The following LPAR4 variants were observed in gnomAD, a reference collection of about 807,000 sequenced individuals.
The protein encoded by LPAR4 is lysophosphatidic acid receptor 4.
In LPAR4, 14 loss-of-function variants were observed where a neutral mutation model predicts 9.2. That is an observed-to-expected ratio of 1.51 (90% CI 1.00 to 2.37). The LOEUF (loss-of-function observed/expected upper bound fraction) is 2.37. LPAR4 is among the 30% of genes most tolerant of loss of function. LPAR4 has a pLI of 0.00. For synonymous variants in LPAR4, 131 were observed against 97.9 expected (o/e 1.34, Z -1.99); for missense variants, 251 against 272.1 (o/e 0.92, Z 0.55).
chrX:78,748,403 C>T (rs1021561744), intron 1 of LPAR4, among the ~76,000 whole-genome samples: 2 of 111,831 alleles, frequency 1.8e-5, no homozygotes, highest in African/African-American at 6.5e-5. Flanking sequence ...GATGAGGTTT[C>T]TTCTAGTAAA....
intron 1 of LPAR4, among the ~76,000 whole-genome samples, chrX:78,748,513 G>A (rs62614225): frequency 0.1 from 11,624 of 111,664 alleles, 548 homozygotes; most frequent in Middle Eastern, 0.22. Flanking sequence ...GAAGAATCAT[G>A]TTTGAATGAA....
rs1351951271 is a variant in LPAR4, at chrX:78,754,981, A to G, written c.112A>G (p.Lys38Glu). The G allele has an allele frequency of 8.3e-7, 1 of 1,210,073 alleles. No homozygotes were observed. The highest frequency in any genetic ancestry group is 1.1e-6 in the Non-Finnish European group (1 of 894,103). The part of the protein sequence containing the change: ...NNTCIVDDSF[K>E]YNLNGAVYSV... ...TACTTGCATTGTTGATGATTCCTTC[A>G]AGTATAATCTCAATGGTGCTGTCTA... The change falls in exon 5 of 5, where the codon AAG (lysine) becomes GAG (glutamate). Residue 38 changes from lysine (K) to glutamate (E), a missense_variant. Lys to Glu is a moderately conservative substitution (Grantham distance 56, BLOSUM62 1). Coordinates refer to ENST00000614823, the MANE Select transcript of LPAR4 (RefSeq NM_001278000.3).
At position 78,756,780 on chromosome X, in the gene LPAR4, T is replaced by C. The variant is rs781439726; in HGVS notation, c.*798T>C. ...TATTTTTTCTTAAAATGTCACGTTA[T>C]CTTCATTTTGGGAAACTAGGTTCTA... On this transcript the variant is annotated 3_prime_UTR_variant, in exon 5 of 5. Transcript: ENST00000614823. 4.0e-4 allele frequency: 49 copies of C among 122,198 alleles called. No individual in the cohort carries two copies. Among genetic ancestry groups the C allele is most frequent in the African/African-American group, 1.6e-3 (48 of 30,599 alleles). 10.1% of individuals were successfully genotyped at this position (122,198 alleles called of 1,213,427 possible). A position where few individuals can be genotyped will look rare whatever the true frequency, so the allele number is the denominator to read the frequency against.
Position 78,750,766 on chromosome X carries a change from G to C in LPAR4, c.-208G>C, listed in dbSNP as rs1206139703. The C allele has an allele frequency of 1.9e-5, 2 of 102,659 alleles. No individual in the cohort carries two copies. The highest frequency in any genetic ancestry group is 7.1e-5 in the African/African-American group (2 of 28,014). 8.5% of individuals were successfully genotyped at this position (102,659 alleles called of 1,213,427 possible). A position where few individuals can be genotyped will look rare whatever the true frequency, so the allele number is the denominator to read the frequency against. On this transcript the variant is annotated 5_prime_UTR_variant, in exon 3 of 5. Coordinates refer to ENST00000614823, the MANE Select transcript of LPAR4 (RefSeq NM_001278000.3). ...ATGGTAACAGTTGTTGCCAAGAAAA[G>C]AAAAAAAGAAAAAAAAAAGACCCAA...
Position 78,755,630 on chromosome X carries a change from A to G in LPAR4, c.761A>G (p.His254Arg), listed in dbSNP as rs1274622844. The change falls in exon 5 of 5, where the codon CAT (histidine) becomes CGT (arginine). Residue 254 changes from histidine to arginine, a missense_variant. Transcript: ENST00000614823. ...KKKVLKMITV[H>R]MAVFVVCFVP... ...AAAGTACTGAAAATGATCACAGTAC[A>G]TATGGCAGTCTTTGTGGTATGCTTT... 3.3e-6 allele frequency: 4 copies of G among 1,207,886 alleles called. No homozygotes were observed. In the East Asian group the frequency reaches 8.9e-5, roughly 27 times the overall value.
rs1294101947 is a variant in LPAR4, at chrX:78,756,038, T to A, written c.*56T>A. The A allele has an allele frequency of 1.0e-6, 1 of 974,020 alleles. No homozygotes were observed. The highest frequency in any genetic ancestry group is 1.4e-6 in the Non-Finnish European group (1 of 707,786). The allele number at this position is 974,020 out of a possible 1,213,427, so 80.3% of individuals were successfully genotyped here. On this transcript the variant is annotated 3_prime_UTR_variant, in exon 5 of 5. Coordinates refer to ENST00000614823, the MANE Select transcript of LPAR4 (RefSeq NM_001278000.3). Reference sequence around the variant, plus strand: ...GTTTCTCCTATAATTTTTCCTATGCTATAAACTAAAGATTTGAAGCTAATG... The same window carrying A: ...GTTTCTCCTATAATTTTTCCTATGCAATAAACTAAAGATTTGAAGCTAATG...
At position 78,755,752 on chromosome X, in the gene LPAR4, A is replaced by G. The variant is rs1266604101; in HGVS notation, c.883A>G (p.Ile295Val). The change falls in exon 5 of 5, where the codon ATC becomes GTC. Residue 295 changes from isoleucine (I) to valine (V), a missense_variant. Physicochemically the swap from Ile to Val is conservative, Grantham distance 29 (BLOSUM62 3). Transcript: ENST00000614823. ...AAGATTTGCAAAGATCATGTACCCA[A>G]TCACCTTGTGCCTTGCAACTCTGAA... ...LERFAKIMYP[I>V]TLCLATLNCC... 13 of 1,208,476 alleles carry G rather than the reference A, an allele frequency of 1.1e-5. No individual in the cohort carries two copies. The highest frequency in any genetic ancestry group is 1.3e-5 in the Non-Finnish European group (12 of 894,295).
At chrX:78,754,769 T>G (rs1301725397) in intron 4 of LPAR4, 22 bp from the exon 5 acceptor site, 1 of 657,300 alleles carries the variant, frequency 1.5e-6, no homozygotes, top group Non-Finnish European at 2.2e-6. Context: ...TTTGATTATT[T>G]GTTCCATCTT....
rs1383895824 is a variant in LPAR4, at chrX:78,758,063, T to C, written c.*2081T>C. ...AACTTTAAAAACTGTAAAATCTGTG[T>C]CTGGGTTAGGAACAAAGTGAAAAAA... On this transcript the variant is annotated 3_prime_UTR_variant, in exon 5 of 5. Transcript: ENST00000614823. Among the ~76,000 whole-genome samples, 4 of 111,815 alleles carry C rather than the reference T, an allele frequency of 3.6e-5. No individual in the cohort carries two copies. Among genetic ancestry groups the C allele is most frequent in the Non-Finnish European group, 7.5e-5 (4 of 53,008 alleles).
rs772900279 is a variant in LPAR4, at chrX:78,758,700, A to G, written c.*2718A>G. Among the ~76,000 whole-genome samples the G allele has an allele frequency of 1.3e-4, 15 of 111,905 alleles. No individual in the cohort carries two copies. The highest frequency in any genetic ancestry group is 2.3e-4 in the Non-Finnish European group (12 of 53,098). On this transcript the variant is annotated 3_prime_UTR_variant, in exon 5 of 5. Transcript: ENST00000614823. ...TTTAAATGTTTATTAAATGTAATAAAATATATTTGAATTATTTAGCAGTCA... is the reference window on the plus strand; with the variant it reads ...TTTAAATGTTTATTAAATGTAATAAGATATATTTGAATTATTTAGCAGTCA...
At position 78,747,810 on chromosome X, in the gene LPAR4, C is replaced by T. The variant is rs185664324; in HGVS notation, c.-519C>T. On this transcript the variant is annotated 5_prime_UTR_variant, in exon 1 of 5. Transcript: ENST00000614823. ...AGGGAAAGAGATAAATGTAAATAAG[C>T]TCACATTTACAGAATGAGCGGTTTG... 3.7e-4 allele frequency: 38 copies of T among 101,789 alleles called. No individual in the cohort carries two copies. The highest frequency in any genetic ancestry group is 5.4e-3 in the Middle Eastern group (1 of 184). 8.4% of individuals were successfully genotyped at this position (101,789 alleles called of 1,213,427 possible).
Position 78,757,035 on chromosome X carries a change from A to T in LPAR4, c.*1053A>T, listed in dbSNP as rs1925331457. On this transcript the variant is annotated 3_prime_UTR_variant, in exon 5 of 5. Transcript: ENST00000614823. ...TTCTTATCGAATTTTGGAGCCTAAT[A>T]TAGCCAGGAGCTGCTGAATTTGTGC... 1.7e-5 allele frequency: 2 copies of T among 120,920 alleles called. No homozygotes were observed. Among genetic ancestry groups the T allele is most frequent in the South Asian group, 7.7e-4 (2 of 2,594 alleles). 10.0% of individuals were successfully genotyped at this position (120,920 alleles called of 1,213,427 possible).
intron 4 of LPAR4, among the ~76,000 whole-genome samples, 199 bp from the exon 5 acceptor site, chrX:78,754,592 G>A (rs931941412): frequency 9.0e-6 from 1 of 111,565 alleles, no homozygotes; most frequent in African/African-American, 3.3e-5. Context: ...TGCACTTATT[G>A]TATTGAGTGT....
In LPAR4 at chrX:78,757,706, C is replaced by T. The variant is rs1925366682; in HGVS notation, c.*1724C>T. ...ATACACACATACACAGCAGCAGCAA[C>T]AACAAAAACCAAAATTAAATGTTAA... On this transcript the variant is annotated 3_prime_UTR_variant, in exon 5 of 5. Coordinates refer to ENST00000614823, the MANE Select transcript of LPAR4 (RefSeq NM_001278000.3). Among the ~76,000 whole-genome samples, 1 of 110,840 alleles carries T rather than the reference C, an allele frequency of 9.0e-6. No individual in the cohort carries two copies. The highest frequency in any genetic ancestry group is 3.3e-5 in the African/African-American group (1 of 30,558).
intron 1 of LPAR4, among the ~76,000 whole-genome samples, chrX:78,749,683 TATTA>T (rs1924972508): frequency 8.9e-6 from 1 of 111,904 alleles, no homozygotes; most frequent in Non-Finnish European, 1.9e-5. Flanking sequence ...TAGCTTCCGG[TATTA>T]ATTAATACTA....
chrX:78,748,418 T>C (rs1924927319), intron 1 of LPAR4, among the ~76,000 whole-genome samples: 1 of 112,239 alleles, frequency 8.9e-6, no homozygotes, highest in African/African-American at 3.2e-5. Context: ...AGTAAAACTA[T>C]ACATGACATG....
In LPAR4 at chrX:78,756,194, T is replaced by A; in HGVS notation, c.*212T>A. 1 of 386,707 alleles carries A rather than the reference T, an allele frequency of 2.6e-6. No individual in the cohort carries two copies. Among genetic ancestry groups the A allele is most frequent in the Non-Finnish European group, 4.6e-6 (1 of 219,133 alleles). 31.9% of individuals were successfully genotyped at this position (386,707 alleles called of 1,213,427 possible). A position where few individuals can be genotyped will look rare whatever the true frequency, so the allele number is the denominator to read the frequency against. ...CAACAACCAAGATGGATTGCCAAAC[T>A]CTTCTGCTTGGTTGGAATTTCATTG... is the stretch of plus-strand genomic sequence containing the variant. On this transcript the variant is annotated 3_prime_UTR_variant, in exon 5 of 5. Coordinates refer to ENST00000614823, the MANE Select transcript of LPAR4 (RefSeq NM_001278000.3).
intron 1 of LPAR4, chrX:78,749,291 G>A (rs1163325509): frequency 8.9e-6 from 1 of 111,758 alleles, no homozygotes; most frequent in East Asian, 2.8e-4. Context: ...ATCACATATA[G>A]TCTGCCCTTG....
chrX:78,755,783 G>T lies in LPAR4; in HGVS notation c.914G>T (p.Cys305Phe), dbSNP rs1255333742. The T allele has an allele frequency of 1.7e-6, 2 of 1,207,180 alleles. No individual in the cohort carries two copies. Among genetic ancestry groups the T allele is most frequent in the East Asian group, 3.0e-5 (1 of 33,721 alleles). The change falls in exon 5 of 5, where the codon TGT (cysteine) becomes TTT (phenylalanine). Residue 305 changes from cysteine (C) to phenylalanine (F), a missense_variant. Transcript: ENST00000614823. ...ITLCLATLNC[C>F]FDPFIYYFTL... The stretch of plus-strand genomic sequence containing the variant: ...TTGTGCCTTGCAACTCTGAACTGTT[G>T]TTTTGACCCTTTCATCTATTACTTC...
Sources: allele counts gnomAD v4.1 joint callset (sites outside exome capture counted in the v4.1 genomes callset), GRCh38; gene constraint gnomAD v4.1.1; transcripts MANE v1.5; gene names NCBI Gene and HGNC (gene_info 2026-07-23, HGNC 2026-07-21).